NRG2: variants seen among roughly 807,000 people sequenced by gnomAD.
The protein encoded by NRG2 is pro-neuregulin-2, membrane-bound isoform.
A neutral mutation model predicts 73.9 loss-of-function variants in NRG2; 27 were observed. The observed-to-expected ratio is 0.37, with a 90% confidence interval of 0.27 to 0.50. The LOEUF (loss-of-function observed/expected upper bound fraction) is 0.50, where lower values mean the gene tolerates loss of function less well. Among genes scored for constraint, NRG2 ranks in the 20% least tolerant of loss-of-function variants. The pLI is 0.96. For missense variants in NRG2, 1,126 were observed against 1,210.1 expected (o/e 0.93, Z 1.03); for synonymous variants, 532 against 541.0 (o/e 0.98, Z 0.23).
At chr5:139,980,027 A>G (rs1756671923) in intron 1 of NRG2, among the ~76,000 whole-genome samples, 1 of 152,136 alleles carries the variant, frequency 6.6e-6, no homozygotes, top group Non-Finnish European at 1.5e-5. Flanking sequence ...ACAAAGCAAA[A>G]CCCTCAGGCC....
intron 5 of NRG2, chr5:139,860,048 G>T: frequency 1.2e-6 from 1 of 858,144 alleles, no homozygotes; most frequent in Non-Finnish European, 1.9e-6. Context: ...CCTGCGAGGT[G>T]AAAGCAGGTT....
chr5:140,029,312 C>T (rs1052297531), intron 1 of NRG2, among the ~76,000 whole-genome samples: 7 of 152,180 alleles, frequency 4.6e-5, no homozygotes, highest in East Asian at 1.9e-4. Flanking sequence ...CATACCCATC[C>T]GAATCAAAAG....
chr5:139,971,519 C>A (rs568676275), intron 1 of NRG2, among the ~76,000 whole-genome samples: 1 of 152,066 alleles, frequency 6.6e-6, no homozygotes, highest in Non-Finnish European at 1.5e-5. Flanking sequence ...CAAAATAGGT[C>A]AAACATGCCT....
In NRG2 at chr5:139,954,656, C is replaced by T. The variant is rs567988735; in HGVS notation, c.701-67145G>A. Among the ~76,000 whole-genome samples, 4 of 152,356 alleles carry T rather than the reference C, an allele frequency of 2.6e-5. No homozygotes were observed. The highest frequency in any genetic ancestry group is 3.9e-4 in the East Asian group (2 of 5,182). Reference sequence around the variant, plus strand: ...CAAGCCCTCCACCCCAGCGACTCTCCGCAGAGGCCCCTGCGCGTATCCCGC... The same window carrying T: ...CAAGCCCTCCACCCCAGCGACTCTCTGCAGAGGCCCCTGCGCGTATCCCGC... On this transcript the variant is annotated intron_variant, in intron 1 of 9. Transcript: ENST00000361474. This position sits in a 1 kb window ranked among gnomAD's most constrained non-coding sequence, Gnocchi z 5.0.
chr5:139,952,067 T>C (rs763158407), intron 1 of NRG2, among the ~76,000 whole-genome samples: 1 of 152,256 alleles, frequency 6.6e-6, no homozygotes, highest in Non-Finnish European at 1.5e-5. Context: ...TTCTGAGACA[T>C]ACTTTCCTTG....
At chr5:139,971,968 G>T (rs1015144362) in intron 1 of NRG2, among the ~76,000 whole-genome samples, 8 of 152,130 alleles carry the variant, frequency 5.3e-5, no homozygotes, top group African/African-American at 1.9e-4. Flanking sequence ...AACGTGCACT[G>T]CCAGATACGA....
At position 139,990,438 on chromosome 5, in the gene NRG2, T is replaced by G. The variant is rs545621652; in HGVS notation, c.700+51932A>C. ...CTCCCACCTCAGCCTCCCAAGTAGC[T>G]GGGACTATAGGTGCACACCACTACA... On this transcript the variant is annotated intron_variant, in intron 1 of 9. Transcript: ENST00000361474. 7.9e-5 allele frequency among the ~76,000 whole-genome samples: 12 copies of G among 152,190 alleles called. No individual in the cohort carries two copies. The South Asian group carries it at 1.7e-3, about 21-fold the overall frequency.
chr5:139,871,732 C>T lies in NRG2; in HGVS notation c.1101G>A (p.Gln367=). Reference sequence around the variant, plus strand: ...TACTGGTCACTTACTTGCAGGAGAGCTGGTTGATGCCCTCGATGTAGTAGC... The same window carrying T: ...TACTGGTCACTTACTTGCAGGAGAGTTGGTTGATGCCCTCGATGTAGTAGC... ...GVCYYIEGIN[Q]LSCKCPNGFF... The change falls in exon 4 of 10, where the codon CAG becomes CAA. Residue 367 remains glutamine, a synonymous_variant. Coordinates refer to ENST00000361474, the MANE Select transcript of NRG2 (RefSeq NM_004883.3). 6.2e-7 allele frequency: 1 copy of T among 1,614,064 alleles called. No individual in the cohort carries two copies. Among genetic ancestry groups the T allele is most frequent in the East Asian group, 2.2e-5 (1 of 44,880 alleles).
At chr5:139,858,243 A>G (rs1324075086) in intron 5 of NRG2, among the ~76,000 whole-genome samples, 2 of 152,062 alleles carry the variant, frequency 1.3e-5, no homozygotes, top group Non-Finnish European at 2.9e-5. Flanking sequence ...AAGTCTCTCC[A>G]TCCACTGAAT....
chr5:139,994,559 A>T (rs903425199), intron 1 of NRG2, among the ~76,000 whole-genome samples: 1 of 152,228 alleles, frequency 6.6e-6, no homozygotes, highest in Non-Finnish European at 1.5e-5. Flanking sequence ...AGTTCTGAAG[A>T]TCTGTTACAC....
chr5:140,019,625 A>C (rs544056853), intron 1 of NRG2: 1 of 152,150 alleles, frequency 6.6e-6, no homozygotes, highest in African/African-American at 2.4e-5. Context: ...ATAAGTTCAA[A>C]TTAGCTCCAT....
At chr5:139,975,628 G>A (rs1417940284) in intron 1 of NRG2, among the ~76,000 whole-genome samples, 1 of 152,220 alleles carries the variant, frequency 6.6e-6, no homozygotes, top group Non-Finnish European at 1.5e-5. Flanking sequence ...GGCCATCTGG[G>A]GAATATCAGA....
chr5:140,036,470 T>C (rs184232752), intron 1 of NRG2, among the ~76,000 whole-genome samples: 23 of 152,338 alleles, frequency 1.5e-4, no homozygotes, highest in Middle Eastern at 3.4e-3. Context: ...TTCATCTGCG[T>C]GTATTACTGT....
chr5:139,949,492 G>A (rs1250380489), intron 1 of NRG2, among the ~76,000 whole-genome samples: 1 of 151,932 alleles, frequency 6.6e-6, no homozygotes, highest in African/African-American at 2.4e-5. Flanking sequence ...ATAAGTACAA[G>A]TAAGGCATAA....
At chr5:139,926,014 C>G (rs1284275515) in intron 1 of NRG2, among the ~76,000 whole-genome samples, 1 of 152,240 alleles carries the variant, frequency 6.6e-6, no homozygotes, top group Non-Finnish European at 1.5e-5. Flanking sequence ...GCCACATGCA[C>G]CCAGTAGATG....
At chr5:139,977,693 A>G (rs1756477888) in intron 1 of NRG2, among the ~76,000 whole-genome samples, 1 of 129,476 alleles carries the variant, frequency 7.7e-6, no homozygotes, top group Non-Finnish European at 1.6e-5. Context: ...ACTTCAAATG[A>G]TACTACAAGG....
chr5:139,940,774 T>C (rs1048948132), intron 1 of NRG2, among the ~76,000 whole-genome samples: 2 of 152,186 alleles, frequency 1.3e-5, no homozygotes. Context: ...ATTCAGTGTC[T>C]GGAGTCTGAG....
chr5:140,038,229 A>T (rs1224437187), intron 1 of NRG2, among the ~76,000 whole-genome samples: 1 of 152,190 alleles, frequency 6.6e-6, no homozygotes, highest in Non-Finnish European at 1.5e-5. Context: ...TTAGGGGCCG[A>T]GAGGAAGTTA....
intron 3 of NRG2, among the ~76,000 whole-genome samples, chr5:139,878,966 T>C (rs1763358028): frequency 6.6e-6 from 1 of 152,134 alleles, no homozygotes; most frequent in South Asian, 2.1e-4. Flanking sequence ...GAGGCTAGGG[T>C]GGTAGACAGA....
Sources: gnomAD v4.1 joint callset for allele counts (sites outside exome capture counted in the v4.1 genomes callset) on GRCh38, gnomAD v4.1.1 for gene constraint, Gnocchi (gnomAD v3.1) non-coding constraint, MANE v1.5 for transcripts, NCBI Gene and HGNC (gene_info 2026-07-23, HGNC 2026-07-21) for gene names.